The following MAN2C1 variants were observed in gnomAD, a reference collection of about 807,000 sequenced individuals.
The protein encoded by MAN2C1 is mannosidase alpha class 2C member 1.
A neutral mutation model predicts 126.9 loss-of-function variants in MAN2C1; 111 were observed. The ratio of observed to expected loss-of-function variants is 0.87; its 90% CI spans 0.75 to 1.02. The LOEUF (loss-of-function observed/expected upper bound fraction) is 1.02, where lower values mean the gene tolerates loss of function less well. Ranked by LOEUF, MAN2C1 falls within the 50% of genes least tolerant of loss-of-function variation. The probability of loss-of-function intolerance (pLI) is 0.00; values close to 1 mark genes in which losing one functional copy is unlikely to be tolerated. For missense variants in MAN2C1, 1,363 were observed against 1,364.4 expected, an observed-to-expected ratio of 1.00 and a Z score of 0.02; for synonymous variants, 567 against 561.5, an observed-to-expected ratio of 1.01 and a Z score of -0.14.
chr15:75,368,083 AGCTGTC>A lies in MAN2C1; in HGVS notation c.211_216del (p.Asp71_Ser72del). On this transcript the variant is annotated inframe_deletion, in exon 2 of 26. Coordinates refer to ENST00000267978, the MANE Select transcript of MAN2C1 (RefSeq NM_006715.4). ...CTGGGCGTTACCTACGTGGGTCCGA[AGCTGTC>A]GCCGACCTGCGCGGGGCGGAAGTCC... 1 of 1,607,360 alleles carries A rather than the reference AGCTGTC, an allele frequency of 6.2e-7. No homozygotes were observed. Among genetic ancestry groups the A allele is most frequent in the Non-Finnish European group, 8.5e-7 (1 of 1,177,966 alleles).
chr15:75,367,974 T>C, intron 2 of MAN2C1, 99 bp downstream of exon 2: 1 of 1,424,976 alleles, frequency 7.0e-7, no homozygotes. Context: ...TCCCACGTAG[T>C]TGTCTACGGC....
rs1216467195 is a variant in MAN2C1, at chr15:75,361,489, G to C, written c.1219-108C>G. 19 of 1,248,558 alleles carry C rather than the reference G, an allele frequency of 1.5e-5. No individual in the cohort carries two copies. The highest frequency in any genetic ancestry group is 2.2e-5 in the Non-Finnish European group (19 of 851,038). The allele number at this position is 1,248,558 out of a possible 1,614,324, so 77.3% of individuals were successfully genotyped here. ...CCCTGCCTGCTATGTGACCCTGGCA[G>C]AGGCAGAGTGAGGGTTTGGTGGTCT... is the stretch of plus-strand genomic sequence containing the variant. On this transcript the variant is annotated intron_variant, in intron 10 of 25. Transcript: ENST00000267978. This position sits in a 1 kb window ranked among gnomAD's most constrained non-coding sequence, Gnocchi z 5.0.
chr15:75,366,436 A>C, intron 4 of MAN2C1, 86 bp downstream of exon 4: 1 of 1,111,744 alleles, frequency 9.0e-7, no homozygotes, highest in Non-Finnish European at 1.3e-6. Flanking sequence ...AGGCGGGCTT[A>C]TGAGATCACT....
intron 16 of MAN2C1, 36 bp from the exon 17 acceptor site, chr15:75,359,461 T>C: frequency 6.3e-7 from 1 of 1,595,784 alleles, no homozygotes; most frequent in Non-Finnish European, 8.6e-7. Context: ...GCAGCCTTCC[T>C]GACCTTTCAG....
chr15:75,356,084 C>G lies in MAN2C1; in HGVS notation c.2996+26G>C, dbSNP rs200716401. On this transcript the variant is annotated intron_variant, in intron 25 of 25. Transcript: ENST00000267978. The surrounding 1 kb of genome is among the most constrained non-coding windows in gnomAD (Gnocchi z 5.8). ...CTCTGCGAGGGCGAGACTCGACCCC[C>G]GCCCCAATCCCACACCGCCACTCAC... 1 of 1,613,494 alleles carries G rather than the reference C, an allele frequency of 6.2e-7. No homozygotes were observed. The highest frequency in any genetic ancestry group is 2.2e-5 in the East Asian group (1 of 44,858).
At chr15:75,359,482 C>T (rs1318272406) in intron 16 of MAN2C1, 57 bp from the exon 17 acceptor site, 2 of 1,577,510 alleles carry the variant, frequency 1.3e-6, no homozygotes, top group Non-Finnish European at 1.7e-6. Flanking sequence ...GAAGCTTGCG[C>T]AGGTGGGGAT....
chr15:75,367,492 C>T lies in MAN2C1; in HGVS notation c.351+19G>A. On this transcript the variant is annotated intron_variant, in intron 3 of 25. Coordinates refer to ENST00000267978, the MANE Select transcript of MAN2C1 (RefSeq NM_006715.4). ...GGCTGAAATGTGGCCATACCTGGCCCTAGGACAGGGTTCCTCACCTGGACA... is the reference window on the plus strand; with the variant it reads ...GGCTGAAATGTGGCCATACCTGGCCTTAGGACAGGGTTCCTCACCTGGACA... 1.2e-6 allele frequency: 2 copies of T among 1,613,014 alleles called. No homozygotes were observed. The highest frequency in any genetic ancestry group is 1.7e-6 in the Non-Finnish European group (2 of 1,179,316).
Position 75,368,538 on chromosome 15 carries a change from G to C in MAN2C1, c.46C>G (p.Arg16Gly). 6.4e-7 allele frequency: 1 copy of C among 1,554,218 alleles called. No individual in the cohort carries two copies. The change falls in exon 1 of 26, where the codon CGG (arginine) becomes GGG (glycine). Residue 16 changes from arginine to glycine, a missense_variant. Arg to Gly is a moderately radical substitution (Grantham distance 125, BLOSUM62 -2). Transcript: ENST00000267978. ...ALKHWRTTLE[R>G]VEKFVSPLYF... Reference sequence around the variant, plus strand: ...AGCGGCGACACGAACTTCTCCACCCGCTCCAGCGTGGTGCGCCAGTGCTTC... The same window carrying C: ...AGCGGCGACACGAACTTCTCCACCCCCTCCAGCGTGGTGCGCCAGTGCTTC...
Position 75,364,620 on chromosome 15 carries a change from G to A in MAN2C1, c.468C>T (p.Ala156=), listed in dbSNP as rs201023575. 6.3e-5 allele frequency: 101 copies of A among 1,613,580 alleles called. No homozygotes were observed. The East Asian group carries it at 8.9e-4, about 14-fold the overall frequency. The part of the protein sequence containing the change: ...VEVACNGLLG[A]GKGSMIAAPD... ...GGGCTGCAATCATGCTTCCCTTCCC[G>A]GCCCCCAGGAGCCCATTGCAGGCTA... Residue 156 remains alanine, a synonymous_variant, in exon 5 of 26, where the codon GCC becomes GCT. Coordinates refer to ENST00000267978, the MANE Select transcript of MAN2C1 (RefSeq NM_006715.4).
intron 5 of MAN2C1, 93 bp from the exon 6 acceptor site, chr15:75,364,281 G>C: frequency 7.2e-7 from 1 of 1,390,984 alleles, no homozygotes; most frequent in Non-Finnish European, 9.6e-7. Context: ...GAGCTCCCCT[G>C]ACCCCCAACC....
intron 3 of MAN2C1, among the ~76,000 whole-genome samples, chr15:75,367,001 T>C (rs1236087062): frequency 1.3e-5 from 2 of 152,120 alleles, no homozygotes; most frequent in African/African-American, 4.8e-5. Context: ...CCAGGAGATA[T>C]TTGCTGAGCC....
chr15:75,355,908 A>C lies in MAN2C1; in HGVS notation c.3121T>G (p.Ter1041GlyextTer16). 6.2e-7 allele frequency: 1 copy of C among 1,614,186 alleles called. No homozygotes were observed. Among genetic ancestry groups the C allele is most frequent in the Non-Finnish European group, 8.5e-7 (1 of 1,180,010 alleles). The change falls in exon 26 of 26, where the codon TGA becomes GGA. Residue 1041 changes from the stop codon to glycine (G), a stop_lost. Coordinates refer to ENST00000267978, the MANE Select transcript of MAN2C1 (RefSeq NM_006715.4). ...AACAAAACCCCAGCCCCAGGGACTC[A>C]GTGTGGCGGAGGCTGAAGCACGAGC... Reference protein sequence around the residue: ...LLLVLQPPPH* With the variant: ...LLLVLQPPPHG
rs376869970 is a variant in MAN2C1, at chr15:75,356,012, G to C, written c.3017C>G (p.Pro1006Arg). ...EAILCDLLER[P>R]DPAGHLTLRD... ...AAGGGTCAAGTGGCCAGCAGGGTCT[G>C]GTCGCTCCAAGAGATCGCAGCTGGA... The change falls in exon 26 of 26, where the codon CCA becomes CGA. Residue 1006 changes from proline (P) to arginine (R), a missense_variant. Pro to Arg is a moderately radical substitution (Grantham distance 103). This residue lies in a region of MAN2C1 where 668 missense variants were observed against 650.1 expected (regional missense o/e 1.03). Coordinates refer to ENST00000267978, the MANE Select transcript of MAN2C1 (RefSeq NM_006715.4). This position sits in a 1 kb window ranked among gnomAD's most constrained non-coding sequence, Gnocchi z 5.8. The C allele has an allele frequency of 1.4e-5, 23 of 1,613,902 alleles. No individual in the cohort carries two copies. The highest frequency in any genetic ancestry group is 1.8e-5 in the Non-Finnish European group (21 of 1,179,966).
intron 4 of MAN2C1, among the ~76,000 whole-genome samples, chr15:75,364,955 C>A (rs1228488875): frequency 6.6e-6 from 1 of 152,220 alleles, no homozygotes; most frequent in Non-Finnish European, 1.5e-5. Flanking sequence ...CAAAGCACTG[C>A]CTTGGTCTTG....
intron 12 of MAN2C1, 32 bp from the exon 13 acceptor site, chr15:75,360,720 C>G (rs938105376): frequency 1.2e-6 from 2 of 1,609,094 alleles, no homozygotes; most frequent in Middle Eastern, 1.7e-4. Flanking sequence ...GTCTCCCAGC[C>G]TTGGAGACCA....
chr15:75,360,383 C>A, intron 13 of MAN2C1, 172 bp from the exon 14 acceptor site: 1 of 1,294,070 alleles, frequency 7.7e-7, no homozygotes, highest in Non-Finnish European at 1.0e-6. Context: ...AGCCCAAACC[C>A]TTCTTTCTTC....
chr15:75,364,215 C>CTCTCACACCTTACCCTACAT, intron 5 of MAN2C1, 27 bp from the exon 6 acceptor site: 1 of 1,585,356 alleles, frequency 6.3e-7, no homozygotes. Flanking sequence ...CCCCTTAATC[C>CTCTCACACCTTACCCTACAT]CTTTTTCAAG....
rs781664985 is a variant in MAN2C1 at position 75,361,180 on chromosome 15, G to A, written c.1326C>T (p.Thr442=). 126 of 1,612,714 alleles carry A rather than the reference G, an allele frequency of 7.8e-5. No homozygotes were observed. In the East Asian group the frequency reaches 1.2e-3, roughly 16 times the overall value. The change falls in exon 12 of 26, where the codon ACC becomes ACT. Residue 442 remains threonine, a synonymous_variant. Transcript: ENST00000267978. The surrounding 1 kb of genome is among the most constrained non-coding windows in gnomAD (Gnocchi z 5.0). ...MQGSVEEVLK[T]VANNRDKGRA... ...GCCCCTTGTCCCGGTTGTTGGCCAC[G>A]GTCTTCAGCACCTAGACAGGTGAGG... is the stretch of plus-strand genomic sequence containing the variant.
Position 75,358,235 on chromosome 15 carries a change from T to C in MAN2C1, c.2513A>G (p.His838Arg), listed in dbSNP as rs1375326107. 4 of 1,613,966 alleles carry C rather than the reference T, an allele frequency of 2.5e-6. No individual in the cohort carries two copies. The highest frequency in any genetic ancestry group is 1.3e-5 in the African/African-American group (1 of 74,896). The change falls in exon 21 of 26, where the codon CAC becomes CGC. Residue 838 changes from histidine to arginine, a missense_variant. His to Arg is a conservative substitution (Grantham distance 29, BLOSUM62 0). Coordinates refer to ENST00000267978, the MANE Select transcript of MAN2C1 (RefSeq NM_006715.4). ...IQFGHLQRPTHYNTSWDWARF... is the reference protein window; with the variant it reads ...IQFGHLQRPTRYNTSWDWARF... ...AGCCCAGTCCCAAGAGGTATTGTAGTGGGTAGGTCGCTGCAGGTGCCCAAA... is the reference window on the plus strand; with the variant it reads ...AGCCCAGTCCCAAGAGGTATTGTAGCGGGTAGGTCGCTGCAGGTGCCCAAA...
Sources: allele counts gnomAD v4.1 joint callset (sites outside exome capture counted in the v4.1 genomes callset), GRCh38; gene constraint gnomAD v4.1.1; regional missense constraint gnomAD v4.1.1; non-coding constraint Gnocchi (gnomAD v3.1); transcripts MANE v1.5; gene names NCBI Gene and HGNC (gene_info 2026-07-23, HGNC 2026-07-21).